The following PATJ variants were observed in gnomAD, a reference collection of about 807,000 sequenced individuals.
PATJ encodes the protein PATJ crumbs cell polarity complex component.
Under a neutral mutation model 224.9 loss-of-function variants are expected in PATJ, and 190 were observed. The ratio of observed to expected loss-of-function variants is 0.84; its 90% confidence interval spans 0.75 to 0.95. The LOEUF is 0.95. PATJ is among the 40% of genes least tolerant of loss of function. The probability of loss-of-function intolerance (pLI) is 0.00; values close to 1 mark genes in which losing one functional copy is unlikely to be tolerated. For missense variants in PATJ, 2,121 were observed against 2,270.3 expected, an observed-to-expected ratio of 0.93 and a Z score of 1.34; for synonymous variants, 769 against 820.3, an observed-to-expected ratio of 0.94 and a Z score of 1.07.
At chr1:62,090,073 T>C (rs986258375) in intron 33 of PATJ, among the ~76,000 whole-genome samples, 1 of 152,188 alleles carries the variant, frequency 6.6e-6, no homozygotes, top group Non-Finnish European at 1.5e-5. Context: ...CTATAAATAG[T>C]TTCTCTGGAG....
chr1:61,756,690 C>G (rs1645663726), intron 1 of PATJ, among the ~76,000 whole-genome samples: 1 of 148,134 alleles, frequency 6.8e-6, no homozygotes, highest in Non-Finnish European at 1.5e-5. Context: ...GTGATTCTCT[C>G]TCCTTAGCCT....
intron 10 of PATJ, among the ~76,000 whole-genome samples, chr1:61,796,698 C>CTT (rs1214960695): frequency 3.4e-4 from 19 of 56,110 alleles, no homozygotes; most frequent in Non-Finnish European, 6.3e-4. Context: ...TTCTTTCTTT[C>CTT]TTTCTTTCTT....
chr1:61,846,007 T>G (rs1251437079), intron 17 of PATJ: 1 of 152,212 alleles, frequency 6.6e-6, no homozygotes. Context: ...TTGGTCTAAG[T>G]TACATATGCT....
At chr1:62,027,321 G>A (rs140961467) in intron 29 of PATJ, among the ~76,000 whole-genome samples, 10 of 152,260 alleles carry the variant, frequency 6.6e-5, no homozygotes, top group South Asian at 2.1e-4. Flanking sequence ...GCTGAATAAC[G>A]TTCCATTTTA....
At chr1:61,952,457 A>G (rs1679858268) in intron 27 of PATJ, 1 of 717,028 alleles carries the variant, frequency 1.4e-6, no homozygotes, top group Non-Finnish European at 2.6e-6. Context: ...TTCGGAATGC[A>G]ATCTGATGCT....
chr1:61,882,975 AGTGT>A (rs1355385056), intron 21 of PATJ, among the ~76,000 whole-genome samples: 1 of 151,750 alleles, frequency 6.6e-6, no homozygotes, highest in East Asian at 1.9e-4. Flanking sequence ...ATCTTTTTAT[AGTGT>A]GTGTGTGAGG....
chr1:62,046,182 A>G (rs2148558549), intron 30 of PATJ, among the ~76,000 whole-genome samples: 1 of 141,258 alleles, frequency 7.1e-6, no homozygotes, highest in African/African-American at 2.6e-5. Flanking sequence ...AGCTTGGGTG[A>G]CAGAGTGAGA....
At chr1:62,060,693 T>TG (rs1373008884) in intron 31 of PATJ, among the ~76,000 whole-genome samples, 1 of 152,126 alleles carries the variant, frequency 6.6e-6, no homozygotes, top group Non-Finnish European at 1.5e-5. Flanking sequence ...TGAAGAGTCC[T>TG]GGAGACAGGG....
intron 25 of PATJ, 39 bp downstream of exon 25, chr1:61,908,521 C>T (rs770496816): frequency 8.8e-6 from 11 of 1,243,256 alleles, no homozygotes; most frequent in South Asian, 2.4e-5. Context: ...TTTAACAACA[C>T]TCTGTATACC....
chr1:62,054,766 A>C (rs1396983594), intron 31 of PATJ, among the ~76,000 whole-genome samples: 1 of 152,144 alleles, frequency 6.6e-6, no homozygotes, highest in East Asian at 1.9e-4. Flanking sequence ...TTTAATATTT[A>C]AGTTTTTTCG....
chr1:61,857,150 A>G (rs1175297194), intron 18 of PATJ, among the ~76,000 whole-genome samples: 1 of 152,162 alleles, frequency 6.6e-6, no homozygotes, highest in African/African-American at 2.4e-5. Flanking sequence ...GCTACATTAC[A>G]GTTATGGTGC....
intron 26 of PATJ, among the ~76,000 whole-genome samples, chr1:61,919,373 G>A (rs1408425401): frequency 6.6e-6 from 1 of 151,070 alleles, no homozygotes; most frequent in African/African-American, 2.4e-5. Context: ...AGTGCAGTGG[G>A]GCAATCATGG....
intron 31 of PATJ, among the ~76,000 whole-genome samples, chr1:62,075,731 A>C (rs956786880): frequency 1.3e-5 from 2 of 152,088 alleles, no homozygotes; most frequent in African/African-American, 2.4e-5. Flanking sequence ...ATTCTCACTA[A>C]CACGGTGAAA....
At position 61,900,603 on chromosome 1, in the gene PATJ, T is replaced by C. The variant is rs533407920; in HGVS notation, c.3204-679T>C. Among the ~76,000 whole-genome samples, 12 of 140,480 alleles carry C rather than the reference T, an allele frequency of 8.5e-5. No individual in the cohort carries two copies. The South Asian group carries it at 2.5e-3, about 29-fold the overall frequency. The allele number at this position is 140,480 out of a possible 152,430, so 92.2% of individuals were successfully genotyped here. A position where few individuals can be genotyped will look rare whatever the true frequency, so the allele number is the denominator to read the frequency against. ...GCTTTCTTTTCTTTTCTTTTCTTTT[T>C]TTTTGAGACGGAGTCTGGCTCTGTC... On this transcript the variant is annotated intron_variant, in intron 23 of 43. Transcript: ENST00000642238.
chr1:62,075,431 A>G (rs544179993), intron 31 of PATJ, among the ~76,000 whole-genome samples: 1 of 152,322 alleles, frequency 6.6e-6, no homozygotes, highest in East Asian at 1.9e-4. Flanking sequence ...TTATTTATTT[A>G]CCTTTAATTT....
intron 1 of PATJ, among the ~76,000 whole-genome samples, chr1:61,753,217 ATATTTACAC>A (rs1253114126): frequency 6.6e-6 from 1 of 152,170 alleles, no homozygotes; most frequent in Non-Finnish European, 1.5e-5. Context: ...AAATATAATT[ATATTTACAC>A]TTGCTCATTG....
intron 28 of PATJ, among the ~76,000 whole-genome samples, chr1:62,010,031 C>T (rs928289123): frequency 4.9e-5 from 7 of 143,760 alleles, no homozygotes; most frequent in East Asian, 2.0e-4. Flanking sequence ...TACAGTGAGC[C>T]GAGATCGTAC....
rs61653676 is a variant in PATJ, at chr1:62,106,158, G to GTATATATATATA, written c.4378-2261_4378-2250dup. Among the ~76,000 whole-genome samples, 24 of 48,054 alleles carry GTATATATATATA rather than the reference G, an allele frequency of 5.0e-4. 2 individuals are homozygous for GTATATATATATA. The highest frequency in any genetic ancestry group is 1.1e-3 in the East Asian group (3 of 2,840). 31.5% of individuals were successfully genotyped at this position (48,054 alleles called of 152,430 possible). On this transcript the variant is annotated intron_variant, in intron 33 of 43. Transcript: ENST00000642238. ...TACATGTGTATATGTGTGTGTGTGT[G>GTATATATATATA]TATATATATATATATATATATATAT...
chr1:62,007,815 A>C (rs961060151), intron 28 of PATJ, among the ~76,000 whole-genome samples: 5 of 152,190 alleles, frequency 3.3e-5, no homozygotes, highest in Non-Finnish European at 2.9e-5. Context: ...TAAAGGCACT[A>C]ATTTCCTCTA....
Sources: gnomAD v4.1 joint callset for allele counts (sites outside exome capture counted in the v4.1 genomes callset) on GRCh38, gnomAD v4.1.1 for gene constraint, MANE v1.5 for transcripts, NCBI Gene and HGNC (gene_info 2026-07-23, HGNC 2026-07-21) for gene names.